TRPM3: variants seen among roughly 807,000 people sequenced by gnomAD.
TRPM3 encodes transient receptor potential cation channel subfamily M member 3.
Under a neutral mutation model 181.2 loss-of-function variants are expected in TRPM3, and 77 were observed. That is an observed-to-expected ratio of 0.42 (90% CI 0.35 to 0.51). The LOEUF (loss-of-function observed/expected upper bound fraction) is 0.51. Ranked by LOEUF, TRPM3 falls within the 20% of genes least tolerant of loss-of-function variation. TRPM3 has a pLI of 0.01. For missense variants in TRPM3, 1,759 were observed against 2,196.7 expected, an observed-to-expected ratio of 0.80 and a Z score of 3.98; for synonymous variants, 745 against 796.4, an observed-to-expected ratio of 0.94 and a Z score of 1.09.
intron 1 of TRPM3, among the ~76,000 whole-genome samples, chr9:71,021,155 A>G (rs2097843988): frequency 6.6e-6 from 1 of 152,202 alleles, no homozygotes; most frequent in Non-Finnish European, 1.5e-5. Context: ...CTCAATTTAT[A>G]TAAAGTTCAT....
At chr9:71,379,547 T>G (rs904823367) in intron 1 of TRPM3, among the ~76,000 whole-genome samples, 20 of 151,972 alleles carry the variant, frequency 1.3e-4, no homozygotes, top group African/African-American at 4.8e-4. Flanking sequence ...TTAGCATCAC[T>G]TACAGAGGTT....
At chr9:70,810,293 A>C (rs1411453847) in intron 6 of TRPM3, among the ~76,000 whole-genome samples, 537 of 59,538 alleles carry the variant, frequency 9.0e-3, no homozygotes, top group Middle Eastern at 0.011. Flanking sequence ...CCTGTGGGTA[A>C]ATGATCAGGA....
chr9:70,620,505 T>C, intron 15 of TRPM3, 140 bp from the exon 16 acceptor site: 2 of 919,490 alleles, frequency 2.2e-6, no homozygotes, highest in Non-Finnish European at 3.3e-6. Context: ...CTAAAAGAAC[T>C]CACAAGCTCA....
chr9:70,800,008 T>C (rs1308426103), intron 6 of TRPM3, among the ~76,000 whole-genome samples: 1 of 152,232 alleles, frequency 6.6e-6, no homozygotes, highest in Non-Finnish European at 1.5e-5. Context: ...CGAACTGCAA[T>C]ACAGTCATTT....
At chr9:70,756,446 A>T (rs1398096457) in intron 8 of TRPM3, among the ~76,000 whole-genome samples, 2 of 152,080 alleles carry the variant, frequency 1.3e-5, no homozygotes, top group Non-Finnish European at 2.9e-5. Flanking sequence ...AGATAAAAAA[A>T]TAACAAGGAT....
chr9:71,421,993 T>A (rs2093783976), intron 1 of TRPM3, among the ~76,000 whole-genome samples: 1 of 152,006 alleles, frequency 6.6e-6, no homozygotes, highest in Non-Finnish European at 1.5e-5. Context: ...AATGTTGTTT[T>A]TTTTGAAGAT....
At chr9:70,774,063 A>G (rs1453223986) in intron 7 of TRPM3, 2 of 152,182 alleles carry the variant, frequency 1.3e-5, no homozygotes, top group Non-Finnish European at 2.9e-5. Context: ...CTGAGATGCA[A>G]TCTTAGAATC....
intron 1 of TRPM3, among the ~76,000 whole-genome samples, chr9:71,127,683 A>G (rs664278): frequency 0.47 from 71,093 of 152,012 alleles, 16,740 homozygotes; most frequent in South Asian, 0.5. Flanking sequence ...AATTACTTTT[A>G]TTGTTGTTAG....
At chr9:71,122,670 G>A (rs928247308), upstream of TRPM3, among the ~76,000 whole-genome samples, 9 of 152,096 alleles carry the variant, frequency 5.9e-5, no homozygotes, top group Non-Finnish European at 1.0e-4. Context: ...ATTCAGAACC[G>A]GGACAACACA....
chr9:70,865,635 T>G (rs1398048008), intron 1 of TRPM3, among the ~76,000 whole-genome samples: 1 of 152,074 alleles, frequency 6.6e-6, no homozygotes, highest in East Asian at 1.9e-4. Flanking sequence ...CTATAAGCTG[T>G]GCTAAATTCT....
chr9:71,188,369 C>T (rs572108214), intron 1 of TRPM3, among the ~76,000 whole-genome samples: 1 of 151,838 alleles, frequency 6.6e-6, no homozygotes, highest in African/African-American at 2.4e-5. Flanking sequence ...AATAACAGTG[C>T]CCATTTTTAG....
rs1051627164 is a variant in TRPM3, at chr9:71,146,417, A to G, written c.184-281906T>C. On this transcript the variant is annotated intron_variant, in intron 1 of 24. Coordinates refer to the TRPM3 transcript ENST00000357533. The stretch of plus-strand genomic sequence containing the variant: ...AAACCTCAAGAAGCAACTTGTTCCA[A>G]TCTATGAGCCATTAACTTGAGATTC... 5.9e-5 allele frequency among the ~76,000 whole-genome samples: 9 copies of G among 152,120 alleles called. No individual in the cohort carries two copies. In the South Asian group the frequency reaches 1.5e-3, roughly 25 times the overall value.
chr9:70,696,803 G>C (rs943796646), intron 8 of TRPM3, among the ~76,000 whole-genome samples: 1 of 152,012 alleles, frequency 6.6e-6, no homozygotes, highest in Non-Finnish European at 1.5e-5. Flanking sequence ...AAATCACAAA[G>C]GTCATTTATC....
At chr9:71,281,962 G>A (rs1478778476) in intron 1 of TRPM3, among the ~76,000 whole-genome samples, 3 of 152,110 alleles carry the variant, frequency 2.0e-5, no homozygotes, top group African/African-American at 7.2e-5. Context: ...TCGGGAGGCT[G>A]AGGCAGGAGA....
At chr9:71,329,967 G>A (rs1327047112) in intron 1 of TRPM3, among the ~76,000 whole-genome samples, 2 of 152,142 alleles carry the variant, frequency 1.3e-5, no homozygotes, top group African/African-American at 4.8e-5. Context: ...GGAGTTGCGG[G>A]ATGTAAGTTG....
intron 9 of TRPM3, among the ~76,000 whole-genome samples, chr9:70,642,669 G>A (rs981058627): frequency 1.3e-5 from 2 of 152,204 alleles, no homozygotes; most frequent in Non-Finnish European, 2.9e-5. Flanking sequence ...GAATTACTGC[G>A]CTGTGTGCCT....
At chr9:70,886,448 C>T (rs2096083803) in intron 1 of TRPM3, among the ~76,000 whole-genome samples, 1 of 152,094 alleles carries the variant, frequency 6.6e-6, no homozygotes, top group Admixed American at 6.5e-5. Flanking sequence ...TGTGCCTTTA[C>T]TTTATATTGT....
At chr9:71,134,550 C>CAA (rs71352343) in intron 1 of TRPM3, among the ~76,000 whole-genome samples, 104,162 of 120,566 alleles carry the variant, frequency 0.86, 45,079 homozygotes, top group Admixed American at 0.91. Context: ...TGCTCCATCT[C>CAA]AAAAAAAAAA....
At chr9:71,140,939 C>G (rs2075064720) in intron 1 of TRPM3, among the ~76,000 whole-genome samples, 1 of 152,120 alleles carries the variant, frequency 6.6e-6, no homozygotes. Flanking sequence ...GAGCCGGACT[C>G]TATTATATTC....
Sources: allele counts gnomAD v4.1 joint callset (sites outside exome capture counted in the v4.1 genomes callset), GRCh38; gene constraint gnomAD v4.1.1; transcripts MANE v1.5; gene names NCBI Gene and HGNC (gene_info 2026-07-23, HGNC 2026-07-21).